The following NKAIN2 variants were observed in gnomAD, a reference collection of about 807,000 sequenced individuals.
NKAIN2 encodes the protein sodium/potassium transporting ATPase interacting 2.
A neutral mutation model predicts 32.6 loss-of-function variants in NKAIN2; 14 were observed. That is an observed-to-expected ratio of 0.43 (90% CI 0.28 to 0.67). NKAIN2 has a LOEUF of 0.67. Among genes scored for constraint, NKAIN2 ranks in the 30% least tolerant of loss-of-function variants. NKAIN2 has a pLI of 0.17. For missense variants in NKAIN2, 198 were observed against 258.3 expected (o/e 0.77, Z 1.60); for synonymous variants, 80 against 87.2 (o/e 0.92, Z 0.46).
chr6:123,924,622 G>A (rs1278446855), intron 1 of NKAIN2, among the ~76,000 whole-genome samples: 3 of 152,070 alleles, frequency 2.0e-5, no homozygotes, highest in Admixed American at 6.6e-5. Context: ...AAGAGAACAG[G>A]GATGGGACTA....
chr6:123,904,596 C>G (rs781272756), intron 1 of NKAIN2, among the ~76,000 whole-genome samples: 1 of 152,112 alleles, frequency 6.6e-6, no homozygotes, highest in Admixed American at 6.5e-5. Flanking sequence ...ATGTTTTTCT[C>G]CAAAAGTGTT....
intron 3 of NKAIN2, among the ~76,000 whole-genome samples, chr6:124,463,020 A>T (rs1776594749): frequency 6.6e-6 from 1 of 152,118 alleles, no homozygotes; most frequent in East Asian, 1.9e-4. Flanking sequence ...AAAGAAAATC[A>T]GCCAACAGAG....
intron 4 of NKAIN2, among the ~76,000 whole-genome samples, chr6:124,706,792 A>G (rs1013838834): frequency 7.2e-5 from 11 of 152,186 alleles, no homozygotes; most frequent in African/African-American, 2.4e-4. Context: ...AAAATAAAAT[A>G]AAACAGACTG....
intron 1 of NKAIN2, among the ~76,000 whole-genome samples, chr6:124,273,047 C>T (rs190207034): frequency 2.0e-4 from 31 of 152,248 alleles, no homozygotes; most frequent in African/African-American, 7.5e-4. Context: ...TGCCTTGTCT[C>T]TCAGATGAGA....
At chr6:124,798,291 A>G (rs908190793) in intron 5 of NKAIN2, among the ~76,000 whole-genome samples, 5 of 152,190 alleles carry the variant, frequency 3.3e-5, no homozygotes, top group Non-Finnish European at 7.3e-5. Context: ...TGAGAAGAAT[A>G]TGTTTATTTT....
intron 1 of NKAIN2, among the ~76,000 whole-genome samples, chr6:123,924,563 G>A (rs1554224423): frequency 6.6e-6 from 1 of 151,960 alleles, no homozygotes; most frequent in Non-Finnish European, 1.5e-5. Flanking sequence ...AGAATTTATG[G>A]CCCATGGACT....
At chr6:124,674,681 C>T (rs1773270269) in intron 4 of NKAIN2, among the ~76,000 whole-genome samples, 1 of 151,880 alleles carries the variant, frequency 6.6e-6, no homozygotes, top group Non-Finnish European at 1.5e-5. Context: ...TATAGAAATA[C>T]AACTGATTTT....
intron 1 of NKAIN2, among the ~76,000 whole-genome samples, chr6:124,100,212 T>C (rs1300173209): frequency 6.6e-6 from 1 of 152,236 alleles, no homozygotes; most frequent in African/African-American, 2.4e-5. Context: ...AGTGCATCTT[T>C]TGAATTAGCA....
intron 3 of NKAIN2, among the ~76,000 whole-genome samples, chr6:124,583,289 T>C (rs1190295456): frequency 6.9e-6 from 1 of 144,868 alleles, no homozygotes; most frequent in Non-Finnish European, 1.5e-5. Context: ...GGATACAAAA[T>C]CAACATATAA....
intron 3 of NKAIN2, among the ~76,000 whole-genome samples, chr6:124,629,552 T>C (rs1341930048): frequency 6.6e-6 from 1 of 152,160 alleles, no homozygotes; most frequent in African/African-American, 2.4e-5. Flanking sequence ...TGTTGTCTCT[T>C]TACGTTGAGG....
At chr6:124,336,787 C>T (rs1797891035) in intron 2 of NKAIN2, among the ~76,000 whole-genome samples, 1 of 151,460 alleles carries the variant, frequency 6.6e-6, no homozygotes, top group Non-Finnish European at 1.5e-5. Context: ...AATTCCCCTG[C>T]TTCAGCCTCC....
intron 1 of NKAIN2, among the ~76,000 whole-genome samples, chr6:123,993,194 T>A (rs2114693572): frequency 6.6e-6 from 1 of 152,310 alleles, no homozygotes. Flanking sequence ...AAAAGGGTAT[T>A]GACATATCTC....
At position 123,804,185 on chromosome 6, in the gene NKAIN2, A is replaced by T. The variant is rs1220985274; in HGVS notation, c.-16A>T. 1.2e-6 allele frequency: 2 copies of T among 1,612,912 alleles called. No individual in the cohort carries two copies. The highest frequency in any genetic ancestry group is 1.3e-5 in the African/African-American group (1 of 74,878). On this transcript the variant is annotated 5_prime_UTR_variant, in exon 1 of 7. Transcript: ENST00000368417. ...CGACGTGGGACAGTCTGGCTGTGGC[A>T]GGGGTCTCGGAAACCATGGGTTATT... is the stretch of plus-strand genomic sequence containing the variant.
chr6:124,323,887 A>G (rs1010979368), intron 2 of NKAIN2, among the ~76,000 whole-genome samples: 8 of 148,746 alleles, frequency 5.4e-5, no homozygotes, highest in Admixed American at 6.8e-5. Context: ...TCCTGGGTAC[A>G]TGCCATTCTC....
intron 3 of NKAIN2, among the ~76,000 whole-genome samples, chr6:124,453,926 T>G (rs1308162028): frequency 6.6e-6 from 1 of 152,046 alleles, no homozygotes; most frequent in Non-Finnish European, 1.5e-5. Context: ...GCAAACGTAT[T>G]GGTAATAAAC....
At chr6:124,404,848 TC>T (rs1412433120) in intron 3 of NKAIN2, among the ~76,000 whole-genome samples, 2 of 152,196 alleles carry the variant, frequency 1.3e-5, no homozygotes, top group Admixed American at 6.5e-5. Flanking sequence ...TTCTTTTTAT[TC>T]ATTTCATTCT....
chr6:124,437,219 A>G (rs1775485247), intron 3 of NKAIN2, among the ~76,000 whole-genome samples: 1 of 152,184 alleles, frequency 6.6e-6, no homozygotes, highest in African/African-American at 2.4e-5. Flanking sequence ...AAGATGACTT[A>G]CCCTAGAAAA....
At chr6:124,341,662 C>G (rs1392540014) in intron 2 of NKAIN2, among the ~76,000 whole-genome samples, 1 of 152,164 alleles carries the variant, frequency 6.6e-6, no homozygotes, top group Non-Finnish European at 1.5e-5. Flanking sequence ...CTGACTTCCT[C>G]TATGATCTGC....
intron 4 of NKAIN2, among the ~76,000 whole-genome samples, chr6:124,682,872 T>C (rs576154775): frequency 6.6e-6 from 1 of 152,296 alleles, no homozygotes; most frequent in African/African-American, 2.4e-5. Flanking sequence ...AAAGATTACC[T>C]CTTTGCTTTA....
Sources: allele counts gnomAD v4.1 joint callset (sites outside exome capture counted in the v4.1 genomes callset), GRCh38; gene constraint gnomAD v4.1.1; transcripts MANE v1.5; gene names NCBI Gene and HGNC (gene_info 2026-07-23, HGNC 2026-07-21).